The following MSRA variants were observed in gnomAD, a reference collection of about 807,000 sequenced individuals.
The protein encoded by MSRA is methionine sulfoxide reductase A.
In MSRA, 54 loss-of-function variants were observed where a neutral mutation model predicts 31.3. The ratio of observed to expected loss-of-function variants is 1.73; its 90% CI spans 1.39 to 2.17. The LOEUF (loss-of-function observed/expected upper bound fraction) is 2.17, where lower values mean the gene tolerates loss of function less well. Ranked by LOEUF, MSRA falls within the 30% of genes most tolerant of loss-of-function variation. The pLI is 0.00. For synonymous variants in MSRA, 169 were observed against 116.5 expected (o/e 1.45, Z -2.90); for missense variants, 507 against 300.9 (o/e 1.69, Z -5.07).
At chr8:10,349,715 T>C (rs1585550784) in intron 5 of MSRA, among the ~76,000 whole-genome samples, 1 of 152,266 alleles carries the variant, frequency 6.6e-6, no homozygotes, top group African/African-American at 2.4e-5. Flanking sequence ...GAAATATTTA[T>C]TTAATGAAAT....
intron 5 of MSRA, among the ~76,000 whole-genome samples, chr8:10,359,953 C>T (rs559219162): frequency 2.0e-5 from 3 of 152,270 alleles, no homozygotes; most frequent in Non-Finnish European, 2.9e-5. Context: ...GTTTCTGTTC[C>T]CCTCCTCCAC....
chr8:10,059,488 C>CT (rs1371206606), intron 1 of MSRA, among the ~76,000 whole-genome samples: 1 of 152,126 alleles, frequency 6.6e-6, no homozygotes. Context: ...CTCCTATACT[C>CT]TTTTTCCATT....
rs746659313 is a variant in MSRA at position 10,245,188 on chromosome 8, A to G, written c.296A>G (p.Tyr99Cys). 8.7e-6 allele frequency: 14 copies of G among 1,613,626 alleles called. No homozygotes were observed. The highest frequency in any genetic ancestry group is 6.7e-5 in the African/African-American group (5 of 74,912). Residue 99 changes from tyrosine to cysteine, a missense_variant, in exon 3 of 6, where the codon TAT (tyrosine) becomes TGT (cysteine). Tyr to Cys is a radical substitution (Grantham distance 194). Transcript: ENST00000317173. ...ACTCAAGTTGGTTTTGCAGGAGGCT[A>G]TACTTCAAATCCTACTTATAAAGAA... Reference protein sequence around the residue: ...YSTQVGFAGGYTSNPTYKEVC... With the variant: ...YSTQVGFAGGCTSNPTYKEVC...
At chr8:10,344,275 A>C (rs1330296158) in intron 5 of MSRA, among the ~76,000 whole-genome samples, 1 of 152,108 alleles carries the variant, frequency 6.6e-6, no homozygotes, top group Non-Finnish European at 1.5e-5. Context: ...TTCACCTCTA[A>C]TGGTGGACTA....
intron 1 of MSRA, among the ~76,000 whole-genome samples, chr8:10,132,872 G>A (rs1801996653): frequency 6.6e-6 from 1 of 152,198 alleles, no homozygotes; most frequent in South Asian, 2.1e-4. Context: ...TTGTCTAGAT[G>A]GACCCCATAA....
chr8:10,367,145 A>G (rs1805213496), intron 5 of MSRA, among the ~76,000 whole-genome samples: 2 of 152,154 alleles, frequency 1.3e-5, no homozygotes, highest in Non-Finnish European at 2.9e-5. Context: ...GACCTGACTC[A>G]TCCCTTTATC....
intron 1 of MSRA, among the ~76,000 whole-genome samples, chr8:10,102,752 A>G (rs1348222726): frequency 6.6e-6 from 1 of 152,190 alleles, no homozygotes; most frequent in Non-Finnish European, 1.5e-5. Context: ...ACACTGTGCT[A>G]GCAGGGGAAA....
chr8:10,296,418 A>G (rs749330134), intron 3 of MSRA, among the ~76,000 whole-genome samples: 6 of 152,182 alleles, frequency 3.9e-5, no homozygotes, highest in Non-Finnish European at 7.3e-5. Flanking sequence ...TTTCCCACAG[A>G]TGACCTCATT....
intron 1 of MSRA, among the ~76,000 whole-genome samples, chr8:10,155,710 G>A (rs1043032837): frequency 3.9e-5 from 6 of 152,088 alleles, no homozygotes; most frequent in African/African-American, 1.4e-4. Context: ...GGGATGGTTG[G>A]AACATCAATA....
At chr8:10,379,991 C>A (rs919797054) in intron 5 of MSRA, among the ~76,000 whole-genome samples, 2 of 152,200 alleles carry the variant, frequency 1.3e-5, no homozygotes, top group African/African-American at 4.8e-5. Context: ...CTACAATGAG[C>A]TAGAGAGAAT....
chr8:10,134,346 A>G (rs1180294479), intron 1 of MSRA, among the ~76,000 whole-genome samples: 1 of 152,214 alleles, frequency 6.6e-6, no homozygotes, highest in Non-Finnish European at 1.5e-5. Flanking sequence ...ACACAGCACA[A>G]CACTTGACAT....
intron 1 of MSRA, among the ~76,000 whole-genome samples, chr8:10,183,889 G>T (rs1047675308): frequency 1.3e-5 from 2 of 151,240 alleles, no homozygotes; most frequent in Admixed American, 6.6e-5. Context: ...GGTATAGGTG[G>T]TGTTGGTGGT....
chr8:10,327,070 G>A (rs1802404644), intron 5 of MSRA, among the ~76,000 whole-genome samples: 1 of 152,038 alleles, frequency 6.6e-6, no homozygotes, highest in African/African-American at 2.4e-5. Flanking sequence ...GCTTTCTCTG[G>A]GTATTTCTCT....
chr8:10,181,531 T>A (rs1319493752), intron 1 of MSRA, among the ~76,000 whole-genome samples: 1 of 151,808 alleles, frequency 6.6e-6, no homozygotes. Flanking sequence ...AAGTGAAGAC[T>A]GAAATGTATC....
intron 3 of MSRA, among the ~76,000 whole-genome samples, chr8:10,291,077 T>G (rs577179814): frequency 6.6e-6 from 1 of 152,194 alleles, no homozygotes; most frequent in African/African-American, 2.4e-5. Flanking sequence ...CTATCCTAGT[T>G]ACCTACTTCT....
At chr8:10,300,124 T>TTGTGTGTG (rs10682921) in intron 3 of MSRA, among the ~76,000 whole-genome samples, 4,750 of 149,630 alleles carry the variant, frequency 0.032, 247 homozygotes, top group African/African-American at 0.11. Flanking sequence ...TGGAAGAAAT[T>TTGTGTGTG]TGTGTGTGTG....
chr8:10,100,089 C>G (rs1001479339), intron 1 of MSRA, among the ~76,000 whole-genome samples: 1 of 152,102 alleles, frequency 6.6e-6, no homozygotes, highest in African/African-American at 2.4e-5. Flanking sequence ...CACTAGGGGC[C>G]TTTGAGGGAG....
intron 1 of MSRA, among the ~76,000 whole-genome samples, chr8:10,205,697 G>A (rs1808901603): frequency 6.6e-6 from 1 of 152,120 alleles, no homozygotes; most frequent in Admixed American, 6.5e-5. Context: ...AATGAGAAAG[G>A]AAATAAATAA....
intron 3 of MSRA, among the ~76,000 whole-genome samples, chr8:10,284,985 T>C (rs1799856234): frequency 1.3e-5 from 2 of 151,096 alleles, no homozygotes; most frequent in Admixed American, 1.3e-4. Context: ...ACAAAGAATT[T>C]ATCTAGATTT....
Sources: allele counts gnomAD v4.1 joint callset (sites outside exome capture counted in the v4.1 genomes callset), GRCh38; gene constraint gnomAD v4.1.1; transcripts MANE v1.5; gene names NCBI Gene and HGNC (gene_info 2026-07-23, HGNC 2026-07-21).